Variants in RPLP0 observed in about 807,000 individuals in gnomAD.
RPLP0 encodes ribosomal protein lateral stalk subunit P0, also known as large ribosomal subunit protein uL10.
For synonymous variants in RPLP0, 137 were observed against 153.4 expected (o/e 0.89, Z 0.79); for missense variants, 276 against 402.9 (o/e 0.69, Z 2.70).
intron 7 of RPLP0, 92 bp from the exon 8 acceptor site, chr12:120,197,026 T>C: frequency 1.3e-6 from 2 of 1,577,190 alleles, no homozygotes; most frequent in South Asian, 1.1e-5. Context: ...GGACCAACAA[T>C]ATCAAAGTCC....
At chr12:120,199,966 G>GT (rs1879353428) in intron 2 of RPLP0, 2 of 450,320 alleles carry the variant, frequency 4.4e-6, no homozygotes, top group Non-Finnish European at 8.9e-6. Flanking sequence ...GTGGGAAAAT[G>GT]TAATACAAGC....
chr12:120,200,337 C>T, intron 2 of RPLP0: 1 of 328,132 alleles, frequency 3.0e-6, no homozygotes, highest in Non-Finnish European at 6.0e-6. Flanking sequence ...GTGTCGCGCC[C>T]CTGTAATCCC....
In RPLP0 at chr12:120,198,859, T is replaced by C; in HGVS notation, c.460A>G (p.Ile154Val). Residue 154 changes from isoleucine (I) to valine (V), a missense_variant, in exon 5 of 8, where the codon ATC becomes GTC. By Grantham distance (29) the Ile-to-Val change is conservative (BLOSUM62 3). Coordinates refer to ENST00000392514, the MANE Select transcript of RPLP0 (RefSeq NM_001002.4). This position sits in a 1 kb window ranked among gnomAD's most constrained non-coding sequence, Gnocchi z 4.1. ...TTKISRGTIE[I>V]LSDVQLIKTG... ...GGCAAACCAGGTCCACTCACCAGGA[T>C]TTCAATGGTGCCCCTGGAGATTTTA... 1 of 1,614,072 alleles carries C rather than the reference T, an allele frequency of 6.2e-7. No homozygotes were observed. The highest frequency in any genetic ancestry group is 8.5e-7 in the Non-Finnish European group (1 of 1,179,988).
intron 7 of RPLP0, 182 bp downstream of exon 7, chr12:120,197,140 T>C: frequency 9.8e-7 from 1 of 1,022,582 alleles, no homozygotes; most frequent in Admixed American, 2.2e-5. Context: ...AACCCCCTCT[T>C]TGGGTCTCTT....
At position 120,198,448 on chromosome 12, in the gene RPLP0, G is replaced by T; in HGVS notation, c.651+106C>A. 8.4e-7 allele frequency: 1 copy of T among 1,190,248 alleles called. No individual in the cohort carries two copies. The highest frequency in any genetic ancestry group is 1.2e-6 in the Non-Finnish European group (1 of 813,518). 73.7% of individuals were successfully genotyped at this position (1,190,248 alleles called of 1,614,324 possible). A position where few individuals can be genotyped will look rare whatever the true frequency, so the allele number is the denominator to read the frequency against. ...TTGTTACTGACATTTTACAGATGAG[G>T]TAGGTAGACAGATGAAAACACAGTC... On this transcript the variant is annotated intron_variant, in intron 6 of 7. Coordinates refer to ENST00000392514, the MANE Select transcript of RPLP0 (RefSeq NM_001002.4). The surrounding 1 kb of genome is among the most constrained non-coding windows in gnomAD (Gnocchi z 4.1).
Position 120,200,778 on chromosome 12 carries a change from G to A in RPLP0, c.6C>T (p.Pro2=), listed in dbSNP as rs910509281. M[P]REDRATWKSN... ...ACTTCCAGGTCGCCCTGTCTTCCCT[G>A]GGCATCACGGCGGTGCGTCAGGGAT... The change falls in exon 2 of 8, where the codon CCC becomes CCT. Residue 2 remains proline (P), a synonymous_variant. Transcript: ENST00000392514. 1 of 1,611,118 alleles carries A rather than the reference G, an allele frequency of 6.2e-7. No homozygotes were observed. The highest frequency in any genetic ancestry group is 8.5e-7 in the Non-Finnish European group (1 of 1,179,302).
intron 2 of RPLP0, chr12:120,200,059 CAA>C (rs749578928): frequency 1.1e-5 from 5 of 455,946 alleles, no homozygotes; most frequent in East Asian, 6.9e-5. Flanking sequence ...AAAGGCCATC[CAA>C]AAGTCATTGG....
intron 1 of RPLP0, 78 bp downstream of exon 1, chr12:120,201,003 CCA>C: frequency 1.5e-6 from 1 of 678,360 alleles, no homozygotes; most frequent in Non-Finnish European, 2.3e-6. Context: ...GAATAGGACT[CCA>C]TGTTCCCAAA....
intron 2 of RPLP0, chr12:120,200,385 C>G: frequency 3.0e-6 from 1 of 328,892 alleles, no homozygotes; most frequent in Admixed American, 4.4e-5. Flanking sequence ...ATCGCTTGAA[C>G]CTGGGAAGCG....
rs1594299294 is a variant in RPLP0, at chr12:120,199,399, A to G, written c.141T>C (p.Leu47=). Residue 47 remains leucine, a synonymous_variant, in exon 3 of 8, where the codon CTT becomes CTC. Transcript: ENST00000392514. ...CCATCAGCACCACAGCCTTCCCGCG[A>G]AGGGACATGCGGATCTGCTGCATCT... is the stretch of plus-strand genomic sequence containing the variant. ...SKQMQQIRMS[L]RGKAVVLMGK... 1 of 1,614,156 alleles carries G rather than the reference A, an allele frequency of 6.2e-7. No individual in the cohort carries two copies. The highest frequency in any genetic ancestry group is 1.7e-5 in the Admixed American group (1 of 60,000).
At position 120,199,344 on chromosome 12, in the gene RPLP0, G is replaced by A. The variant is rs1456806601; in HGVS notation, c.196C>T (p.Arg66Ter). 1 of 1,614,042 alleles carries A rather than the reference G, an allele frequency of 6.2e-7. No homozygotes were observed. Among genetic ancestry groups the A allele is most frequent in the African/African-American group, 1.3e-5 (1 of 74,900 alleles). ...GKNTMMRKAI[R>*]GHLENNPALE... ...GCTGGGTTGTTTTCCAGGTGCCCTC[G>A]GATGGCCTTGCGCATCATGGTGTTC... Residue 66 changes from arginine to a stop codon, truncating the protein, a stop_gained, in exon 3 of 8, where the codon CGA becomes TGA. Transcript: ENST00000392514. LOFTEE classifies it high-confidence loss of function.
At chr12:120,200,855 G>T (rs781520240) in intron 1 of RPLP0, 24 bp from the exon 2 acceptor site, 55 of 1,562,282 alleles carry the variant, frequency 3.5e-5, no homozygotes, top group Non-Finnish European at 4.7e-5. Flanking sequence ...GGGAGCTCAG[G>T]CCTGGTCACG....
In RPLP0 at chr12:120,201,066, C is replaced by T. The variant is rs562859780; in HGVS notation, c.-49+17G>A. On this transcript the variant is annotated intron_variant, in intron 1 of 7. Transcript: ENST00000392514. The stretch of plus-strand genomic sequence containing the variant: ...CCCGCCGGCGACCCCTGGCGCCCAT[C>T]TAACTAGCACACGAACCTTCCACGA... 7.1e-6 allele frequency: 3 copies of T among 422,004 alleles called. No individual in the cohort carries two copies. The South Asian group carries it at 1.4e-4, about 19-fold the overall frequency. 26.1% of individuals were successfully genotyped at this position (422,004 alleles called of 1,614,324 possible). A position where few individuals can be genotyped will look rare whatever the true frequency, so the allele number is the denominator to read the frequency against.
At chr12:120,197,740 A>C in intron 6 of RPLP0, 2 of 389,814 alleles carry the variant, frequency 5.1e-6, no homozygotes, top group Non-Finnish European at 4.7e-6. Context: ...TAAACGACTA[A>C]CGTAGCCATT....
intron 2 of RPLP0, 107 bp downstream of exon 2, chr12:120,200,623 G>A (rs960229297): frequency 7.3e-6 from 9 of 1,236,538 alleles, no homozygotes; most frequent in Non-Finnish European, 9.0e-6. Flanking sequence ...CCCAAAAATG[G>A]CCTAATTCAG....
Position 120,198,378 on chromosome 12 carries a change from T to A in RPLP0, c.651+176A>T. ...TCCAGCCTGGGCGACACAGCAAGAC[T>A]CTGTCTCCAAAAAAAAAAAAAAAAA... On this transcript the variant is annotated intron_variant, in intron 6 of 7. Coordinates refer to ENST00000392514, the MANE Select transcript of RPLP0 (RefSeq NM_001002.4). This position sits in a 1 kb window ranked among gnomAD's most constrained non-coding sequence, Gnocchi z 4.1. The A allele has an allele frequency of 1.5e-6, 1 of 669,460 alleles. No individual in the cohort carries two copies. Among genetic ancestry groups the A allele is most frequent in the Non-Finnish European group, 2.4e-6 (1 of 409,926 alleles). The allele number at this position is 669,460 out of a possible 1,614,324, so 41.5% of individuals were successfully genotyped here. A position where few individuals can be genotyped will look rare whatever the true frequency, so the allele number is the denominator to read the frequency against.
Position 120,200,088 on chromosome 12 carries a change from G to A in RPLP0, c.55-603C>T, listed in dbSNP as rs148286722. ...AGTCATTGGACACTTAAGTTTCTTG[G>A]CTGACAGGTCCTAAATATGCAACAG... On this transcript the variant is annotated intron_variant, in intron 2 of 7. Transcript: ENST00000392514. 921 of 456,080 alleles carry A rather than the reference G, an allele frequency of 2.0e-3. 8 individuals are homozygous for A. Among genetic ancestry groups the A allele is most frequent in the African/African-American group, 0.016 (817 of 50,184 alleles). 28.3% of individuals were successfully genotyped at this position (456,080 alleles called of 1,614,324 possible).
At chr12:120,200,915 A>G in intron 1 of RPLP0, 84 bp from the exon 2 acceptor site, 1 of 1,422,418 alleles carries the variant, frequency 7.0e-7, no homozygotes, top group South Asian at 1.5e-5. Context: ...GACACGCGCA[A>G]TCGCCCGCCG....
intron 7 of RPLP0, 159 bp from the exon 8 acceptor site, chr12:120,197,093 G>C: frequency 8.0e-7 from 1 of 1,251,956 alleles, no homozygotes; most frequent in Non-Finnish European, 1.1e-6. Flanking sequence ...GTATGGCCTA[G>C]TGAGGCAGGG....
Sources: allele counts gnomAD v4.1 joint callset, GRCh38; gene constraint gnomAD v4.1.1; non-coding constraint Gnocchi (gnomAD v3.1); transcripts MANE v1.5; gene names NCBI Gene and HGNC (gene_info 2026-07-23, HGNC 2026-07-21).